The following NAALADL2 variants were observed in gnomAD, a reference collection of about 807,000 sequenced individuals.
The protein encoded by NAALADL2 is N-acetylated alpha-linked acidic dipeptidase like 2, also known as inactive N-acetylated-alpha-linked acidic dipeptidase-like protein 2.
In NAALADL2, 76 loss-of-function variants were observed where a neutral mutation model predicts 87.2. The observed-to-expected ratio is 0.87, with a 90% confidence interval of 0.72 to 1.05. NAALADL2 has a LOEUF of 1.05. Ranked by LOEUF, NAALADL2 falls within the 50% of genes least tolerant of loss-of-function variation. NAALADL2 has a pLI of 0.00. For synonymous variants in NAALADL2, 354 were observed against 331.0 expected (o/e 1.07, Z -0.75); for missense variants, 1,089 against 945.8 (o/e 1.15, Z -1.99).
At chr3:174,710,316 G>A (rs1019568782) in intron 2 of NAALADL2, among the ~76,000 whole-genome samples, 3 of 149,512 alleles carry the variant, frequency 2.0e-5, no homozygotes, top group Non-Finnish European at 3.0e-5. Flanking sequence ...ATGCAGTGGC[G>A]CGATCTCGGC....
chr3:174,550,287 G>A (rs1402110542), intron 1 of NAALADL2, among the ~76,000 whole-genome samples: 1 of 151,964 alleles, frequency 6.6e-6, no homozygotes, highest in African/African-American at 2.4e-5. Context: ...AGTTAGAGGT[G>A]TGTAACTGGG....
chr3:174,477,438 G>T (rs1251069263), intron 1 of NAALADL2, among the ~76,000 whole-genome samples: 1 of 152,088 alleles, frequency 6.6e-6, no homozygotes, highest in Non-Finnish European at 1.5e-5. Context: ...GCTTGTGTAG[G>T]AACTTTGAGT....
intron 4 of NAALADL2, among the ~76,000 whole-genome samples, chr3:175,307,835 A>G (rs1757901571): frequency 6.6e-6 from 1 of 152,188 alleles, no homozygotes; most frequent in Non-Finnish European, 1.5e-5. Context: ...TAAACACCTC[A>G]CAATGTTCTG....
intron 3 of NAALADL2, among the ~76,000 whole-genome samples, chr3:175,236,881 T>C (rs1447500943): frequency 6.6e-6 from 1 of 152,182 alleles, no homozygotes; most frequent in Non-Finnish European, 1.5e-5. Context: ...GATGATGCTG[T>C]AGGATGGATA....
rs1026383556 is a variant in NAALADL2 at position 175,739,700 on chromosome 3, AAAAC to A, written c.1990+2313_1990+2316del. ...GTATACTTGGCACAGTTCCATTATCAAAACAAACAAACAAAACAAAAACAAACAG... is the reference window on the plus strand; with the variant it reads ...GTATACTTGGCACAGTTCCATTATCAAAACAAACAAAACAAAAACAAACAG... On this transcript the variant is annotated intron_variant, in intron 12 of 13. Transcript: ENST00000454872. Among the ~76,000 whole-genome samples, 166 of 152,324 alleles carry A rather than the reference AAAAC, an allele frequency of 1.1e-3. 1 individual carries two copies. Among genetic ancestry groups the A allele is most frequent in the African/African-American group, 3.5e-3 (146 of 41,576 alleles).
intron 9 of NAALADL2, among the ~76,000 whole-genome samples, chr3:175,558,586 A>G (rs1715743668): frequency 6.6e-6 from 1 of 152,164 alleles, no homozygotes; most frequent in African/African-American, 2.4e-5. Flanking sequence ...ATCCACTTGA[A>G]TTTGATTTTT....
intron 1 of NAALADL2, among the ~76,000 whole-genome samples, chr3:175,065,709 T>A (rs1401437641): frequency 1.3e-5 from 2 of 152,080 alleles, no homozygotes; most frequent in Non-Finnish European, 2.9e-5. Flanking sequence ...TTGTCAAAGG[T>A]CATGGAGAAA....
chr3:175,525,949 A>G (rs1733351917), intron 9 of NAALADL2, among the ~76,000 whole-genome samples: 1 of 152,212 alleles, frequency 6.6e-6, no homozygotes, highest in South Asian at 2.1e-4. Flanking sequence ...CGCTGAGCCA[A>G]GTTCCGTTGG....
chr3:175,554,168 A>G (rs1422492882), intron 9 of NAALADL2, among the ~76,000 whole-genome samples: 1 of 152,004 alleles, frequency 6.6e-6, no homozygotes, highest in Non-Finnish European at 1.5e-5. Context: ...TCCTAAGTGG[A>G]GGATGTTAGA....
rs114061433 is a variant in NAALADL2, at chr3:174,728,906, A to G, written c.-114-8735A>G. 4.5e-3 allele frequency among the ~76,000 whole-genome samples: 686 copies of G among 152,218 alleles called. 7 individuals are homozygous for G. The highest frequency in any genetic ancestry group is 0.016 in the African/African-American group (660 of 41,576). On this transcript the variant is annotated intron_variant, in intron 2 of 3. Coordinates refer to the NAALADL2 transcript ENST00000434257. ...GAAAAGCATAGTAGTCTATTGTTTT[A>G]CTAATAACTCATTGGACCGCCTCAT... is the stretch of plus-strand genomic sequence containing the variant.
intron 1 of NAALADL2, among the ~76,000 whole-genome samples, chr3:174,916,755 G>C (rs926173889): frequency 3.3e-5 from 5 of 152,086 alleles, no homozygotes; most frequent in Non-Finnish European, 7.4e-5. Flanking sequence ...ACTACACACT[G>C]TGTATAGTGT....
intron 1 of NAALADL2, among the ~76,000 whole-genome samples, chr3:175,003,511 G>C (rs1748531114): frequency 6.6e-6 from 1 of 152,214 alleles, no homozygotes; most frequent in East Asian, 1.9e-4. Context: ...AGTGACTAAA[G>C]ATGCAGTTGT....
At chr3:175,400,207 A>G (rs1362262200) in intron 5 of NAALADL2, among the ~76,000 whole-genome samples, 1 of 152,134 alleles carries the variant, frequency 6.6e-6, no homozygotes, top group Non-Finnish European at 1.5e-5. Context: ...TTCTTGGGCT[A>G]TATTTCATGC....
intron 4 of NAALADL2, among the ~76,000 whole-genome samples, chr3:175,321,451 A>C (rs987888506): frequency 2.0e-5 from 2 of 100,290 alleles, no homozygotes; most frequent in Admixed American, 1.1e-4. Context: ...CTCTCTCACC[A>C]CTCCTATTCA....
At chr3:174,792,988 T>G (rs948391396) in intron 3 of NAALADL2, among the ~76,000 whole-genome samples, 2 of 152,264 alleles carry the variant, frequency 1.3e-5, no homozygotes, top group African/African-American at 2.4e-5. Context: ...ATAAAAATAG[T>G]CACTTTATCT....
intron 1 of NAALADL2, among the ~76,000 whole-genome samples, chr3:174,881,177 G>A (rs1025494939): frequency 6.6e-6 from 1 of 152,054 alleles, no homozygotes; most frequent in African/African-American, 2.4e-5. Context: ...CCTTTGAGGA[G>A]CTGCCATTCA....
intron 3 of NAALADL2, among the ~76,000 whole-genome samples, chr3:174,741,558 GAGGACAAGCTTGT>G (rs1733762865): frequency 4.0e-5 from 6 of 151,458 alleles, no homozygotes; most frequent in Non-Finnish European, 7.4e-5. Context: ...GTCCCTCTCA[GAGGACAAGCTTGT>G]AGCGGTTTTC....
chr3:174,648,575 T>A (rs1338577049), intron 2 of NAALADL2, among the ~76,000 whole-genome samples: 1 of 152,154 alleles, frequency 6.6e-6, no homozygotes, highest in Non-Finnish European at 1.5e-5. Context: ...TTACTTTATT[T>A]ATGGTTTCCA....
intron 5 of NAALADL2, among the ~76,000 whole-genome samples, chr3:175,373,211 A>G (rs900026374): frequency 2.6e-5 from 4 of 152,202 alleles, no homozygotes; most frequent in African/African-American, 9.6e-5. Context: ...TTAAATGTAA[A>G]ATTTGTTGAG....
Sources: allele counts gnomAD v4.1 joint callset (sites outside exome capture counted in the v4.1 genomes callset), GRCh38; gene constraint gnomAD v4.1.1; transcripts MANE v1.5; gene names NCBI Gene and HGNC (gene_info 2026-07-23, HGNC 2026-07-21).